CNTLN: variants seen among roughly 807,000 people sequenced by gnomAD.
CNTLN encodes centlein, centrosomal protein.
Under a neutral mutation model 180.0 loss-of-function variants are expected in CNTLN, and 212 were observed. The observed-to-expected ratio is 1.18, with a 90% CI of 1.05 to 1.32. CNTLN has a LOEUF of 1.32. Among genes scored for constraint, CNTLN ranks in the 40% most tolerant of loss-of-function variants. The probability of loss-of-function intolerance (pLI) is 0.00; values close to 1 mark genes in which losing one functional copy is unlikely to be tolerated. For missense variants in CNTLN, 2,095 were observed against 1,610.9 expected (o/e 1.30, Z -5.14); for synonymous variants, 722 against 563.1 (o/e 1.28, Z -3.99).
chr9:17,427,485 A>C (rs1829164174), intron 18 of CNTLN, among the ~76,000 whole-genome samples: 1 of 152,096 alleles, frequency 6.6e-6, no homozygotes, highest in Non-Finnish European at 1.5e-5. Flanking sequence ...TTCATGAGTA[A>C]AGAGTACAGT....
At chr9:17,258,027 T>C (rs199631802) in intron 5 of CNTLN, among the ~76,000 whole-genome samples, 1 of 150,594 alleles carries the variant, frequency 6.6e-6, no homozygotes, top group Non-Finnish European at 1.5e-5. Context: ...ATTGCTTTTG[T>C]TGTTTCAGAC....
intron 8 of CNTLN, among the ~76,000 whole-genome samples, chr9:17,324,225 A>G (rs1223025260): frequency 6.6e-6 from 1 of 152,216 alleles, no homozygotes; most frequent in Non-Finnish European, 1.5e-5. Context: ...TCACATATTT[A>G]GAGATACACC....
intron 19 of CNTLN, among the ~76,000 whole-genome samples, chr9:17,459,705 C>T (rs1281755717): frequency 6.6e-6 from 1 of 151,682 alleles, no homozygotes; most frequent in East Asian, 1.9e-4. Flanking sequence ...AGGCCTCTCT[C>T]CTTGGTTTGT....
intron 6 of CNTLN, among the ~76,000 whole-genome samples, chr9:17,276,854 T>C (rs988752264): frequency 3.3e-5 from 5 of 152,124 alleles, no homozygotes; most frequent in Non-Finnish European, 5.9e-5. Context: ...TTGTATTGTT[T>C]TGTTGTTATA....
intron 18 of CNTLN, among the ~76,000 whole-genome samples, chr9:17,419,094 C>G (rs1024949238): frequency 1.3e-5 from 2 of 151,996 alleles, no homozygotes; most frequent in Non-Finnish European, 2.9e-5. Context: ...ACTGAGCTGT[C>G]ATCACTTTAA....
At chr9:17,246,450 A>G (rs1424470820) in intron 5 of CNTLN, among the ~76,000 whole-genome samples, 1 of 152,180 alleles carries the variant, frequency 6.6e-6, no homozygotes, top group Non-Finnish European at 1.5e-5. Flanking sequence ...TGGGTGACAC[A>G]AGCACCCCTG....
intron 2 of CNTLN, among the ~76,000 whole-genome samples, chr9:17,170,641 TTTG>T (rs1820362461): frequency 6.6e-6 from 1 of 152,140 alleles, no homozygotes. Flanking sequence ...AGCTTCGGAA[TTTG>T]TTTCTTTTTA....
intron 2 of CNTLN, among the ~76,000 whole-genome samples, chr9:17,193,260 C>T (rs2131822388): frequency 6.6e-6 from 1 of 152,256 alleles, no homozygotes; most frequent in South Asian, 2.1e-4. Context: ...TCCCAACAGT[C>T]CCCCAAAGTC....
At chr9:17,325,173 C>G (rs934477017) in intron 8 of CNTLN, among the ~76,000 whole-genome samples, 2 of 37,924 alleles carry the variant, frequency 5.3e-5, no homozygotes, top group African/African-American at 1.1e-4. Flanking sequence ...AATTGATATT[C>G]TTTTTCTTTT....
chr9:17,181,265 CTT>C (rs1361163844), intron 2 of CNTLN, among the ~76,000 whole-genome samples: 1 of 152,150 alleles, frequency 6.6e-6, no homozygotes, highest in Non-Finnish European at 1.5e-5. Flanking sequence ...CTGTTGTTCT[CTT>C]TTGCTTTTCA....
chr9:17,273,770 T>G lies in CNTLN; in HGVS notation c.887T>G (p.Val296Gly). 1.3e-6 allele frequency: 2 copies of G among 1,550,742 alleles called. No homozygotes were observed. The highest frequency in any genetic ancestry group is 1.7e-6 in the Non-Finnish European group (2 of 1,151,038). ...EDNLIEARKE[V>G]EVSQSKYNAL... ...AATTTAATTGAAGCAAGGAAAGAAG[T>G]TGAAGTATCACAGAGTAAATACAAT... is the stretch of plus-strand genomic sequence containing the variant. Residue 296 changes from valine (V) to glycine (G), a missense_variant, in exon 6 of 26, where the codon GTT becomes GGT. By Grantham distance (109) the Val-to-Gly change is moderately radical. Transcript: ENST00000380647.
intron 1 of CNTLN, among the ~76,000 whole-genome samples, chr9:17,140,765 T>C (rs1030045313): frequency 1.3e-5 from 2 of 152,184 alleles, no homozygotes; most frequent in Non-Finnish European, 2.9e-5. Context: ...TAGCTTGATT[T>C]AACCATTCTA....
At position 17,462,959 on chromosome 9, in the gene CNTLN, CTT is replaced by C. The variant is rs1317783093; in HGVS notation, c.3352_3353del (p.Leu1118GlufsTer3). On this transcript the variant is annotated frameshift_variant, in exon 20 of 26. Transcript: ENST00000380647. LOFTEE classifies it high-confidence loss of function. ...ACTAAACAGTCATCAAATGTGAAGACTTTGAAATTTGAACTCCTAGCAAAAGA... is the reference window on the plus strand; with the variant it reads ...ACTAAACAGTCATCAAATGTGAAGACTGAAATTTGAACTCCTAGCAAAAGA... 3 of 1,582,366 alleles carry C rather than the reference CTT, an allele frequency of 1.9e-6. No individual in the cohort carries two copies. Among genetic ancestry groups the C allele is most frequent in the African/African-American group, 1.4e-5 (1 of 72,206 alleles).
intron 2 of CNTLN, among the ~76,000 whole-genome samples, chr9:17,184,590 G>A (rs1821318741): frequency 6.6e-6 from 1 of 152,128 alleles, no homozygotes; most frequent in South Asian, 2.1e-4. Context: ...TTGTATTGGG[G>A]GAGAAGTGGA....
intron 8 of CNTLN, among the ~76,000 whole-genome samples, chr9:17,315,847 G>T (rs928777775): frequency 8.6e-5 from 13 of 151,874 alleles, no homozygotes; most frequent in Non-Finnish European, 2.9e-5. Flanking sequence ...TCTTGATATT[G>T]TTGTTTAGGT....
intron 5 of CNTLN, among the ~76,000 whole-genome samples, chr9:17,249,566 G>C (rs1826013752): frequency 6.6e-6 from 1 of 151,918 alleles, no homozygotes; most frequent in Non-Finnish European, 1.5e-5. Context: ...AGCCAGGATG[G>C]TCTTGATCTC....
At chr9:17,263,893 TG>T (rs1587395792) in intron 5 of CNTLN, among the ~76,000 whole-genome samples, 2 of 140,548 alleles carry the variant, frequency 1.4e-5, no homozygotes, top group East Asian at 4.4e-4. Context: ...TGGGGTTGTT[TG>T]TTTTTTTCTT....
chr9:17,330,565 T>C (rs1215760261), intron 8 of CNTLN, 67 bp from the exon 9 acceptor site: 1 of 887,818 alleles, frequency 1.1e-6, no homozygotes, highest in African/African-American at 1.8e-5. Flanking sequence ...TACATTTAAC[T>C]ATTTATTTAT....
chr9:17,353,481 T>C (rs1045388263), intron 12 of CNTLN, among the ~76,000 whole-genome samples: 1 of 152,116 alleles, frequency 6.6e-6, no homozygotes, highest in African/African-American at 2.4e-5. Context: ...CTGACCATAT[T>C]TGCATGTGTT....
Sources: allele counts gnomAD v4.1 joint callset (sites outside exome capture counted in the v4.1 genomes callset), GRCh38; gene constraint gnomAD v4.1.1; transcripts MANE v1.5; gene names NCBI Gene and HGNC (gene_info 2026-07-23, HGNC 2026-07-21).